The following DAB1 variants were observed in gnomAD, a reference collection of about 807,000 sequenced individuals.
DAB1 encodes the protein disabled homolog 1.
In DAB1, 15 loss-of-function variants were observed where a neutral mutation model predicts 64.6. That is an observed-to-expected ratio of 0.23 (90% confidence interval 0.16 to 0.36). The LOEUF (loss-of-function observed/expected upper bound fraction) is 0.36. DAB1 is among the 10% of genes least tolerant of loss of function. The pLI is 1.00. For synonymous variants in DAB1, 235 were observed against 251.9 expected (o/e 0.93, Z 0.64); for missense variants, 596 against 706.7 (o/e 0.84, Z 1.78).
intron 6 of DAB1, among the ~76,000 whole-genome samples, chr1:57,796,516 A>G (rs1394803251): frequency 6.6e-6 from 1 of 150,930 alleles, no homozygotes; most frequent in Admixed American, 6.6e-5. Context: ...GACAGAGCAA[A>G]ACTCCGTCTC....
At chr1:57,934,333 A>T (rs1644996805) in intron 5 of DAB1, among the ~76,000 whole-genome samples, 2 of 152,144 alleles carry the variant, frequency 1.3e-5, no homozygotes, top group African/African-American at 4.8e-5. Flanking sequence ...TTTAAGTGGA[A>T]CATCTATGAA....
At chr1:58,054,017 G>A (rs960865741) in intron 5 of DAB1, among the ~76,000 whole-genome samples, 1 of 152,184 alleles carries the variant, frequency 6.6e-6, no homozygotes, top group Non-Finnish European at 1.5e-5. Flanking sequence ...AAGTTAGAAA[G>A]GAAGAATAAC....
intron 5 of DAB1, among the ~76,000 whole-genome samples, chr1:58,117,856 ATTTTT>A (rs893328910): frequency 6.8e-6 from 1 of 148,144 alleles, no homozygotes; most frequent in African/African-American, 2.5e-5. Flanking sequence ...TTTTTTTTAT[ATTTTT>A]TTTAATATTT....
chr1:58,345,759 C>T (rs957320469), intron 3 of DAB1, among the ~76,000 whole-genome samples: 1 of 152,054 alleles, frequency 6.6e-6, no homozygotes, highest in African/African-American at 2.4e-5. Context: ...TGCTTCCTCA[C>T]CCACCCCCAT....
At chr1:58,172,970 T>C (rs955218442) in intron 4 of DAB1, among the ~76,000 whole-genome samples, 1 of 152,246 alleles carries the variant, frequency 6.6e-6, no homozygotes, top group Non-Finnish European at 1.5e-5. Flanking sequence ...TATGGAGTTA[T>C]TGCACTCAGT....
chr1:57,816,754 G>A (rs1651871917), intron 6 of DAB1, among the ~76,000 whole-genome samples: 1 of 152,020 alleles, frequency 6.6e-6, no homozygotes, highest in Admixed American at 6.5e-5. Flanking sequence ...TCAATACCAG[G>A]CTATCACTCC....
chr1:57,127,652 G>A (rs1231294816), intron 4 of DAB1, among the ~76,000 whole-genome samples: 1 of 152,148 alleles, frequency 6.6e-6, no homozygotes, highest in Admixed American at 6.5e-5. Context: ...TCAATAAGTA[G>A]CTTTTGAATA....
chr1:58,025,490 T>C (rs1329255114), intron 5 of DAB1, among the ~76,000 whole-genome samples: 3 of 151,448 alleles, frequency 2.0e-5, no homozygotes, highest in East Asian at 1.9e-4. Flanking sequence ...TTCAGCTTCA[T>C]AGATTTTGTT....
intron 3 of DAB1, among the ~76,000 whole-genome samples, chr1:58,360,489 G>A (rs189741915): frequency 1.9e-3 from 286 of 152,246 alleles, no homozygotes; most frequent in Middle Eastern, 3.4e-3. Context: ...GACTAAGTCC[G>A]TTCTTGCCGC....
chr1:57,155,289 T>A, intron 2 of DAB1, among the ~76,000 whole-genome samples: 1 of 152,222 alleles, frequency 6.6e-6, no homozygotes, highest in Non-Finnish European at 1.5e-5. Context: ...GACTTTTTTT[T>A]CCCAAGTGTA....
rs903830758 is a variant in DAB1, at chr1:57,271,614, G to C, written c.67+19350C>G. On this transcript the variant is annotated intron_variant, in intron 2 of 14. Coordinates refer to ENST00000371236, the MANE Select transcript of DAB1 (RefSeq NM_001365792.1). ...TGGTCTGGTAGAGAGACAGACATAG[G>C]GATGAGGCAAGTACAGTACAGCACA... Among the ~76,000 whole-genome samples, 3 of 152,178 alleles carry C rather than the reference G, an allele frequency of 2.0e-5. No individual in the cohort carries two copies. In the East Asian group the frequency reaches 5.8e-4, roughly 29 times the overall value.
At chr1:58,510,673 G>T (rs889777767) in intron 2 of DAB1, among the ~76,000 whole-genome samples, 16 of 151,854 alleles carry the variant, frequency 1.1e-4, no homozygotes, top group Admixed American at 7.2e-4. Flanking sequence ...CAGAAAGAAA[G>T]AAGTAAAATG....
At chr1:58,004,489 C>A (rs1646551904) in intron 5 of DAB1, among the ~76,000 whole-genome samples, 2 of 152,052 alleles carry the variant, frequency 1.3e-5, no homozygotes, top group South Asian at 4.1e-4. Context: ...AGCAGGACCT[C>A]AGTAGCTTAT....
intron 2 of DAB1, among the ~76,000 whole-genome samples, chr1:57,202,172 T>A (rs2100277938): frequency 6.6e-6 from 1 of 152,306 alleles, no homozygotes; most frequent in South Asian, 2.1e-4. Context: ...ATTACTGAGT[T>A]TCTGGGATGA....
intron 5 of DAB1, among the ~76,000 whole-genome samples, chr1:58,104,102 C>A (rs532485128): frequency 6.6e-6 from 1 of 152,168 alleles, no homozygotes; most frequent in Non-Finnish European, 1.5e-5. Context: ...TGCTAAGAAA[C>A]CTGTCCCTGT....
rs114752920 is a variant in DAB1, at chr1:57,950,054, C to T, written n.388-65892G>A. Among the ~76,000 whole-genome samples the T allele has an allele frequency of 8.6e-3, 1,313 of 152,236 alleles. 16 individuals are homozygous for T. The highest frequency in any genetic ancestry group is 0.03 in the African/African-American group (1,240 of 41,536). Reference sequence around the variant, plus strand: ...TCTGTTAAACCTCTTCCTTGCAAGACGGCTTATTGCATGCCCTTCAAGGAT... The same window carrying T: ...TCTGTTAAACCTCTTCCTTGCAAGATGGCTTATTGCATGCCCTTCAAGGAT... On this transcript the variant is annotated intron_variant and non_coding_transcript_variant, in intron 5 of 20. Coordinates refer to the DAB1 transcript ENST00000485760.
At chr1:57,647,339 C>G (rs1043055121) in intron 7 of DAB1, among the ~76,000 whole-genome samples, 1 of 152,188 alleles carries the variant, frequency 6.6e-6, no homozygotes, top group East Asian at 1.9e-4. Context: ...TGATGTGTCT[C>G]CATTTCAAAA....
chr1:58,161,482 C>G (rs1292853409), intron 4 of DAB1, among the ~76,000 whole-genome samples: 1 of 152,162 alleles, frequency 6.6e-6, no homozygotes, highest in Non-Finnish European at 1.5e-5. Flanking sequence ...AACTATATTG[C>G]AGCTGAAGCA....
At chr1:58,361,474 C>G (rs1032650519) in intron 3 of DAB1, among the ~76,000 whole-genome samples, 6 of 152,156 alleles carry the variant, frequency 3.9e-5, no homozygotes, top group African/African-American at 1.4e-4. Context: ...CTTGTCTTTC[C>G]TGTTCATCTT....
Sources: gnomAD v4.1 joint callset for allele counts (sites outside exome capture counted in the v4.1 genomes callset) on GRCh38, gnomAD v4.1.1 for gene constraint, MANE v1.5 for transcripts, NCBI Gene and HGNC (gene_info 2026-07-23, HGNC 2026-07-21) for gene names.